Variants in SOX5 observed in about 807,000 individuals in gnomAD.
The protein encoded by SOX5 is SRY-box transcription factor 5.
In SOX5, 9 loss-of-function variants were observed where a neutral mutation model predicts 92.0. That is an observed-to-expected ratio of 0.10 (90% CI 0.06 to 0.17). The LOEUF is 0.17. SOX5 is among the 10% of genes least tolerant of loss of function. The probability of loss-of-function intolerance (pLI) is 1.00; values close to 1 mark genes in which losing one functional copy is unlikely to be tolerated. For missense variants in SOX5, 642 were observed against 944.5 expected, an observed-to-expected ratio of 0.68 and a Z score of 4.20; for synonymous variants, 344 against 336.3, an observed-to-expected ratio of 1.02 and a Z score of -0.25.
At chr12:24,523,987 T>C (rs558320293) in intron 1 of SOX5, among the ~76,000 whole-genome samples, 11 of 152,184 alleles carry the variant, frequency 7.2e-5, no homozygotes, top group Non-Finnish European at 1.5e-4. Context: ...GCAAACTATA[T>C]GCGATGGTTA....
chr12:23,828,343 C>T (rs2096264800), intron 3 of SOX5, among the ~76,000 whole-genome samples: 1 of 152,040 alleles, frequency 6.6e-6, no homozygotes, highest in Admixed American at 6.5e-5. Context: ...TGCACACACA[C>T]ACATGTATGT....
At chr12:23,544,870 T>C (rs891195531) in intron 12 of SOX5, among the ~76,000 whole-genome samples, 1 of 152,222 alleles carries the variant, frequency 6.6e-6, no homozygotes, top group Non-Finnish European at 1.5e-5. Context: ...TAGCAAGTGA[T>C]CATTTGCACA....
chr12:23,880,339 T>C (rs186137294), intron 2 of SOX5, among the ~76,000 whole-genome samples: 4 of 152,292 alleles, frequency 2.6e-5, no homozygotes, highest in African/African-American at 9.6e-5. Context: ...ACCCATATTA[T>C]GGTATTATGA....
At chr12:23,898,142 G>C (rs1482666952) in intron 1 of SOX5, among the ~76,000 whole-genome samples, 1 of 152,176 alleles carries the variant, frequency 6.6e-6, no homozygotes, top group Non-Finnish European at 1.5e-5. Context: ...CTCATGTAAA[G>C]AGTTTGTGGA....
chr12:24,134,218 G>A (rs187076393), intron 4 of SOX5, among the ~76,000 whole-genome samples: 22 of 152,242 alleles, frequency 1.4e-4, no homozygotes, highest in Non-Finnish European at 3.1e-4. Flanking sequence ...ATTTTTAAGG[G>A]TTGTGTTAGT....
chr12:24,477,865 A>G (rs1377504530), intron 1 of SOX5, among the ~76,000 whole-genome samples: 1 of 152,126 alleles, frequency 6.6e-6, no homozygotes, highest in Non-Finnish European at 1.5e-5. Flanking sequence ...TTACAAGCAC[A>G]GTTTCTTTCT....
chr12:24,441,411 A>T (rs546424909), intron 1 of SOX5, among the ~76,000 whole-genome samples: 67 of 152,304 alleles, frequency 4.4e-4, no homozygotes, highest in African/African-American at 1.5e-3. Context: ...ACTCTCCTTA[A>T]GTATGTGCAA....
chr12:23,753,968 G>A (rs2094277515), intron 4 of SOX5, among the ~76,000 whole-genome samples: 1 of 151,792 alleles, frequency 6.6e-6, no homozygotes, highest in Non-Finnish European at 1.5e-5. Context: ...AAGACCTACA[G>A]TTGCTTTTAA....
intron 1 of SOX5, 68 bp from the exon 2 acceptor site, chr12:23,896,092 G>C (rs1407632038): frequency 9.1e-7 from 1 of 1,095,824 alleles, no homozygotes; most frequent in Non-Finnish European, 1.4e-6. Context: ...TCATTGTGTG[G>C]TTAGGGGCCA....
Position 24,429,650 on chromosome 12 carries a change from A to ACACACAC in SOX5, c.-250-61012_-250-61011insGTGTGTG, listed in dbSNP as rs998939759. On this transcript the variant is annotated intron_variant, in intron 1 of 4. Coordinates refer to the SOX5 transcript ENST00000446891. Reference sequence around the variant, plus strand: ...TACACACACACACACACACACACACACCCCATGAGCACAAAGCCCTCCAAC... The same window carrying ACACACAC: ...TACACACACACACACACACACACACACACACACCCCCATGAGCACAAAGCCCTCCAAC... 2.9e-3 allele frequency among the ~76,000 whole-genome samples: 435 copies of ACACACAC among 151,458 alleles called. 1 individual carries two copies. The East Asian group carries it at 0.03, about 11-fold the overall frequency.
chr12:23,613,891 T>C (rs2076253042), intron 8 of SOX5, among the ~76,000 whole-genome samples: 1 of 152,166 alleles, frequency 6.6e-6, no homozygotes, highest in African/African-American at 2.4e-5. Flanking sequence ...AGTTAGTGTT[T>C]AATGACTACG....
chr12:23,748,891 G>C (rs1037365206), intron 4 of SOX5, among the ~76,000 whole-genome samples: 30 of 152,066 alleles, frequency 2.0e-4, no homozygotes, highest in African/African-American at 6.7e-4. Flanking sequence ...CTCTAGGAGG[G>C]CAGGAATCTG....
At chr12:23,596,728 C>T (rs974731373) in intron 9 of SOX5, among the ~76,000 whole-genome samples, 1 of 152,142 alleles carries the variant, frequency 6.6e-6, no homozygotes, top group African/African-American at 2.4e-5. Context: ...ACTACAGAAA[C>T]GTACTTTTGC....
chr12:24,092,276 T>A (rs114842486), intron 4 of SOX5, among the ~76,000 whole-genome samples: 1,861 of 151,852 alleles, frequency 0.012, 24 homozygotes, highest in African/African-American at 0.042. Flanking sequence ...ACTTACTGAC[T>A]TGATTTTTCA....
chr12:23,716,381 A>T (rs1431793107), intron 6 of SOX5, among the ~76,000 whole-genome samples: 3 of 152,224 alleles, frequency 2.0e-5, no homozygotes, highest in Admixed American at 6.5e-5. Context: ...TTTCATATGT[A>T]TGATAATGAA....
At chr12:23,911,362 A>T (rs2097349980) in intron 1 of SOX5, among the ~76,000 whole-genome samples, 1 of 152,094 alleles carries the variant, frequency 6.6e-6, no homozygotes, top group Non-Finnish European at 1.5e-5. Context: ...AATTAAAATG[A>T]TCATGAAATA....
intron 7 of SOX5, among the ~76,000 whole-genome samples, chr12:23,650,317 G>C (rs927374055): frequency 6.6e-6 from 1 of 151,988 alleles, no homozygotes; most frequent in African/African-American, 2.4e-5. Flanking sequence ...ATTATACTTC[G>C]GGACCATTTT....
Position 23,837,296 on chromosome 12 carries a change from T to C in SOX5, c.481+8687A>G, listed in dbSNP as rs1197290845. ...ATATGTATTTATATTTATATTTATATAATATATAAGATATATTTATATTTA... is the reference window on the plus strand; with the variant it reads ...ATATGTATTTATATTTATATTTATACAATATATAAGATATATTTATATTTA... On this transcript the variant is annotated intron_variant, in intron 3 of 14. Coordinates refer to ENST00000451604, the MANE Select transcript of SOX5 (RefSeq NM_006940.6). Among the ~76,000 whole-genome samples, 98 of 107,420 alleles carry C rather than the reference T, an allele frequency of 9.1e-4. 2 individuals are homozygous for C. In the South Asian group the frequency reaches 0.023, roughly 25 times the overall value. The allele number at this position is 107,420 out of a possible 152,430, so 70.5% of individuals were successfully genotyped here. A position where few individuals can be genotyped will look rare whatever the true frequency, so the allele number is the denominator to read the frequency against.
intron 2 of SOX5, among the ~76,000 whole-genome samples, chr12:24,354,795 C>T (rs1012863708): frequency 2.0e-5 from 3 of 151,960 alleles, no homozygotes; most frequent in African/African-American, 4.8e-5. Context: ...TCAGTTTGGC[C>T]GCAGATAATC....
Sources: allele counts gnomAD v4.1 joint callset (sites outside exome capture counted in the v4.1 genomes callset), GRCh38; gene constraint gnomAD v4.1.1; transcripts MANE v1.5; gene names NCBI Gene and HGNC (gene_info 2026-07-23, HGNC 2026-07-21).